Variants in STXBP5 observed in about 807,000 individuals in gnomAD.
STXBP5 encodes syntaxin-binding protein 5.
Under a neutral mutation model 152.4 loss-of-function variants are expected in STXBP5, and 50 were observed. That is an observed-to-expected ratio of 0.33 (90% CI 0.26 to 0.42). The LOEUF is 0.42. Among genes scored for constraint, STXBP5 ranks in the 10% least tolerant of loss-of-function variants. STXBP5 has a pLI of 1.00. For missense variants in STXBP5, 1,167 were observed against 1,388.6 expected, an observed-to-expected ratio of 0.84 and a Z score of 2.54; for synonymous variants, 492 against 494.7, an observed-to-expected ratio of 0.99 and a Z score of 0.07.
rs1340018467 is a variant in STXBP5 at position 147,235,743 on chromosome 6, C to T, written c.330+412C>T. Among the ~76,000 whole-genome samples, 4 of 152,180 alleles carry T rather than the reference C, an allele frequency of 2.6e-5. No individual in the cohort carries two copies. In the East Asian group the frequency reaches 7.7e-4, roughly 29 times the overall value. On this transcript the variant is annotated intron_variant, in intron 3 of 27. Coordinates refer to ENST00000321680, the MANE Select transcript of STXBP5 (RefSeq NM_001127715.4). ...GCATTCATTCATTAGAAAGTAGTTT[C>T]TGCCCAGAGTTCTTAAATAACACCC...
intron 7 of STXBP5, among the ~76,000 whole-genome samples, chr6:147,275,822 G>T (rs1400107914): frequency 1.3e-5 from 2 of 152,014 alleles, no homozygotes. Context: ...CTCCCAAAGT[G>T]CTGGGATTAC....
chr6:147,294,965 C>A (rs970831939), intron 9 of STXBP5, among the ~76,000 whole-genome samples: 3 of 152,138 alleles, frequency 2.0e-5, no homozygotes, highest in Admixed American at 6.6e-5. Flanking sequence ...GATTATTAGA[C>A]TGGGGTCCAA....
intron 8 of STXBP5, among the ~76,000 whole-genome samples, chr6:147,280,060 C>G (rs1466748579): frequency 8.1e-6 from 1 of 123,968 alleles, no homozygotes; most frequent in Non-Finnish European, 1.7e-5. Context: ...TGCAAATATT[C>G]CATGGTCTTT....
intron 2 of STXBP5, among the ~76,000 whole-genome samples, chr6:147,235,042 G>T (rs1778199269): frequency 6.6e-6 from 1 of 151,756 alleles, no homozygotes; most frequent in Non-Finnish European, 1.5e-5. Context: ...CTTCTAATTT[G>T]CTTGTTTTGT....
rs1483304339 is a variant in STXBP5 at position 147,260,625 on chromosome 6, TGC to T, written c.443_444del (p.Cys148SerfsTer7). 1 of 1,613,768 alleles carries T rather than the reference TGC, an allele frequency of 6.2e-7. No individual in the cohort carries two copies. Among genetic ancestry groups the T allele is most frequent in the Non-Finnish European group, 8.5e-7 (1 of 1,179,704 alleles). On this transcript the variant is annotated frameshift_variant, in exon 5 of 28. Coordinates refer to ENST00000321680, the MANE Select transcript of STXBP5 (RefSeq NM_001127715.4). LOFTEE classifies it high-confidence loss of function. ...ATTTTTCTCTTGCAGGGTTACATTTTGCCATCTGCCTTTCCAGAGTAAGTGGC... is the reference window on the plus strand; with the variant it reads ...ATTTTTCTCTTGCAGGGTTACATTTTCATCTGCCTTTCCAGAGTAAGTGGC... The part of the protein sequence containing the change: ...LKFCRERVTF[C>X]HLPFQSKWLY...
chr6:147,355,435 C>G (rs548992887), intron 22 of STXBP5, among the ~76,000 whole-genome samples: 1 of 152,158 alleles, frequency 6.6e-6, no homozygotes, highest in Non-Finnish European at 1.5e-5. Flanking sequence ...TGGATGGAGG[C>G]ATTAATGACA....
chr6:147,381,292 C>A (rs1320776726), intron 26 of STXBP5, among the ~76,000 whole-genome samples: 2 of 152,116 alleles, frequency 1.3e-5, no homozygotes, highest in East Asian at 3.9e-4. Flanking sequence ...TCTTCAACAT[C>A]ATTTGTCATT....
At chr6:147,296,827 C>T (rs541738942) in intron 9 of STXBP5, among the ~76,000 whole-genome samples, 5 of 152,004 alleles carry the variant, frequency 3.3e-5, no homozygotes, top group African/African-American at 9.6e-5. Flanking sequence ...ATGAAAAATA[C>T]AATTGAGAGT....
intron 26 of STXBP5, among the ~76,000 whole-genome samples, chr6:147,377,779 A>G (rs1785880623): frequency 6.6e-6 from 1 of 152,208 alleles, no homozygotes; most frequent in East Asian, 1.9e-4. Context: ...TCAACATATG[A>G]CTTGAGGGGA....
intron 18 of STXBP5, among the ~76,000 whole-genome samples, chr6:147,331,199 T>C (rs956344195): frequency 6.6e-6 from 1 of 152,216 alleles, no homozygotes; most frequent in Non-Finnish European, 1.5e-5. Context: ...AGAGAAGATA[T>C]GCTTATAAGA....
intron 16 of STXBP5, among the ~76,000 whole-genome samples, chr6:147,322,730 T>G (rs1782999467): frequency 6.6e-6 from 1 of 152,230 alleles, no homozygotes; most frequent in Non-Finnish European, 1.5e-5. Context: ...GTTTTTAACT[T>G]AAAGTCATAG....
chr6:147,279,308 G>A (rs187467098), intron 8 of STXBP5, among the ~76,000 whole-genome samples: 225 of 152,124 alleles, frequency 1.5e-3, no homozygotes, highest in Admixed American at 3.1e-3. Context: ...CTCACCCTAC[G>A]AGAATCCTTC....
At chr6:147,217,820 A>C (rs907173341) in intron 2 of STXBP5, among the ~76,000 whole-genome samples, 5 of 152,206 alleles carry the variant, frequency 3.3e-5, no homozygotes, top group African/African-American at 1.2e-4. Context: ...GACATTTGTA[A>C]AATGTTACAG....
At chr6:147,326,642 C>T (rs996078875) in intron 17 of STXBP5, among the ~76,000 whole-genome samples, 1 of 152,174 alleles carries the variant, frequency 6.6e-6, no homozygotes, top group African/African-American at 2.4e-5. Flanking sequence ...TAGTTCCTGA[C>T]TCATAATTGA....
At chr6:147,376,895 G>A (rs1291325419) in intron 26 of STXBP5, among the ~76,000 whole-genome samples, 1 of 152,016 alleles carries the variant, frequency 6.6e-6, no homozygotes, top group East Asian at 1.9e-4. Flanking sequence ...ACAAAAAGGT[G>A]AAATTTAAAA....
intron 2 of STXBP5, among the ~76,000 whole-genome samples, chr6:147,213,434 ATGTGTGTGTG>A (rs1159372834): frequency 3.0e-4 from 26 of 85,596 alleles, no homozygotes; most frequent in Middle Eastern, 0.011. Context: ...AATTTTATAT[ATGTGTGTGTG>A]TGTGTGTGTG....
rs978460411 is a variant in STXBP5 at position 147,385,797 on chromosome 6, A to G, written c.*1042A>G. The stretch of plus-strand genomic sequence containing the variant: ...TTTTCAAAATGCCCTTTATTTGCTA[A>G]CTGTTCCAATACACTCAGGTGATGA... On this transcript the variant is annotated 3_prime_UTR_variant, in exon 28 of 28. Transcript: ENST00000321680. The G allele has an allele frequency of 6.6e-6, 1 of 152,134 alleles. No individual in the cohort carries two copies. Among genetic ancestry groups the G allele is most frequent in the African/African-American group, 2.4e-5 (1 of 41,456 alleles). 9.4% of individuals were successfully genotyped at this position (152,134 alleles called of 1,614,324 possible). A position where few individuals can be genotyped will look rare whatever the true frequency, so the allele number is the denominator to read the frequency against.
chr6:147,245,511 C>A (rs904816646), intron 4 of STXBP5, among the ~76,000 whole-genome samples: 3 of 152,018 alleles, frequency 2.0e-5, no homozygotes, highest in Non-Finnish European at 2.9e-5. Context: ...TCTTCTGTAG[C>A]CTGAAAGGAA....
intron 26 of STXBP5, 56 bp downstream of exon 26, chr6:147,373,898 CA>C: frequency 1.4e-6 from 2 of 1,380,840 alleles, no homozygotes; most frequent in Admixed American, 2.1e-5. Context: ...ACAAGCCATA[CA>C]AAAATTTTTT....
Sources: gnomAD v4.1 joint callset for allele counts (sites outside exome capture counted in the v4.1 genomes callset) on GRCh38, gnomAD v4.1.1 for gene constraint, MANE v1.5 for transcripts, NCBI Gene and HGNC (gene_info 2026-07-23, HGNC 2026-07-21) for gene names.